Variants in CHCHD3 observed in about 807,000 individuals in gnomAD.
CHCHD3 encodes MICOS complex subunit MIC19.
CHCHD3 carries 20 observed loss-of-function variants against 38.2 expected under a neutral mutation model. The observed-to-expected ratio is 0.52, with a 90% CI of 0.37 to 0.76. CHCHD3 has a LOEUF of 0.76. Among genes scored for constraint, CHCHD3 ranks in the 30% least tolerant of loss-of-function variants. CHCHD3 has a pLI of 0.00. For synonymous variants in CHCHD3, 82 were observed against 100.0 expected, an observed-to-expected ratio of 0.82 and a Z score of 1.07; for missense variants, 245 against 279.2, an observed-to-expected ratio of 0.88 and a Z score of 0.87.
At chr7:133,024,407 G>A in intron 3 of CHCHD3, 139 bp downstream of exon 3, 1 of 712,078 alleles carries the variant, frequency 1.4e-6, no homozygotes, top group East Asian at 2.5e-5. Flanking sequence ...AACCGAAAAT[G>A]GCCAAGTTCA....
At chr7:132,800,862 A>ATT in intron 6 of CHCHD3, among the ~76,000 whole-genome samples, 1 of 149,934 alleles carries the variant, frequency 6.7e-6, no homozygotes, top group East Asian at 2.0e-4. Context: ...GGAGAATTCT[A>ATT]TTTTTTTTTT....
intron 3 of CHCHD3, among the ~76,000 whole-genome samples, chr7:132,984,069 G>A (rs1003330571): frequency 2.8e-5 from 4 of 142,000 alleles, no homozygotes; most frequent in Non-Finnish European, 3.0e-5. Flanking sequence ...CTCTCCCCAC[G>A]GTCTCCCTCT....
chr7:132,922,000 G>A (rs1810274517), intron 4 of CHCHD3, among the ~76,000 whole-genome samples: 1 of 152,206 alleles, frequency 6.6e-6, no homozygotes, highest in African/African-American at 2.4e-5. Context: ...CATAAGAAGT[G>A]CAGAGAAGAG....
At chr7:133,055,983 A>G (rs1584676443) in intron 2 of CHCHD3, among the ~76,000 whole-genome samples, 1 of 152,094 alleles carries the variant, frequency 6.6e-6, no homozygotes, top group East Asian at 1.9e-4. Flanking sequence ...CGTCTCTACA[A>G]AAAAGAAAAA....
intron 4 of CHCHD3, among the ~76,000 whole-genome samples, chr7:132,898,930 G>A (rs1002715496): frequency 6.6e-6 from 1 of 152,288 alleles, no homozygotes; most frequent in Admixed American, 6.5e-5. Context: ...ACACCCACCC[G>A]GAACTCCAGC....
chr7:132,875,970 T>C (rs1314104134), intron 5 of CHCHD3, among the ~76,000 whole-genome samples: 1 of 152,244 alleles, frequency 6.6e-6, no homozygotes, highest in Non-Finnish European at 1.5e-5. Context: ...TCTTTTTAAC[T>C]GAAGCTAATG....
chr7:132,786,462 G>A (rs1018816956), intron 7 of CHCHD3, among the ~76,000 whole-genome samples: 7 of 152,186 alleles, frequency 4.6e-5, no homozygotes, highest in African/African-American at 1.7e-4. Context: ...ATTTATTTGG[G>A]AGATGAGGAT....
chr7:132,874,499 C>A (rs751651749), intron 5 of CHCHD3, among the ~76,000 whole-genome samples: 2 of 152,114 alleles, frequency 1.3e-5, no homozygotes, highest in Non-Finnish European at 2.9e-5. Context: ...GCAACACTTG[C>A]GGGAAGATTT....
intron 5 of CHCHD3, among the ~76,000 whole-genome samples, chr7:132,853,079 C>T (rs1376160821): frequency 6.6e-6 from 1 of 152,164 alleles, no homozygotes; most frequent in African/African-American, 2.4e-5. Context: ...TCCAGCACCA[C>T]AGAAAATACG....
rs1806389557 is a variant in CHCHD3 at position 132,788,950 on chromosome 7, G to T, written c.661-3290C>A. ...GGGAAATTAACAAACACAATGGCAGGCTGGATTTTTAAAAAAGATGAATTC... is the reference window on the plus strand; with the variant it reads ...GGGAAATTAACAAACACAATGGCAGTCTGGATTTTTAAAAAAGATGAATTC... On this transcript the variant is annotated intron_variant, in intron 7 of 7. Transcript: ENST00000262570. The surrounding 1 kb of genome is among the most constrained non-coding windows in gnomAD (Gnocchi z 4.0). 6.6e-6 allele frequency among the ~76,000 whole-genome samples: 1 copy of T among 152,144 alleles called. No individual in the cohort carries two copies. The highest frequency in any genetic ancestry group is 6.5e-5 in the Admixed American group (1 of 15,268).
chr7:132,920,043 C>T (rs966260993), intron 4 of CHCHD3, among the ~76,000 whole-genome samples: 1 of 152,180 alleles, frequency 6.6e-6, no homozygotes, highest in Non-Finnish European at 1.5e-5. Flanking sequence ...ACACTGGGAA[C>T]GCACATCGTC....
At chr7:132,883,499 G>A (rs1277915251) in intron 5 of CHCHD3, among the ~76,000 whole-genome samples, 2 of 152,094 alleles carry the variant, frequency 1.3e-5, no homozygotes, top group East Asian at 3.9e-4. Flanking sequence ...CTACAACGAG[G>A]GAGCCAAATC....
At chr7:132,932,560 G>A (rs1364463579) in intron 4 of CHCHD3, among the ~76,000 whole-genome samples, 3 of 152,164 alleles carry the variant, frequency 2.0e-5, no homozygotes, top group South Asian at 2.1e-4. Flanking sequence ...TGAGGCTGCC[G>A]TCTCCCACTG....
At chr7:132,915,074 G>A (rs745683610) in intron 4 of CHCHD3, among the ~76,000 whole-genome samples, 1 of 151,716 alleles carries the variant, frequency 6.6e-6, no homozygotes, top group Admixed American at 6.6e-5. Context: ...AGGCAGGAGA[G>A]GTTGCAGTCA....
intron 5 of CHCHD3, among the ~76,000 whole-genome samples, chr7:132,861,256 G>A (rs1489751663): frequency 1.3e-5 from 2 of 152,170 alleles, no homozygotes; most frequent in Non-Finnish European, 2.9e-5. Flanking sequence ...ACTGGTGGCT[G>A]GAGCACTCAG....
intron 5 of CHCHD3, among the ~76,000 whole-genome samples, chr7:132,883,358 CTT>C (rs904399869): frequency 3.3e-5 from 5 of 152,102 alleles, no homozygotes; most frequent in African/African-American, 1.2e-4. Context: ...TAAATCATCA[CTT>C]AATATATGAA....
intron 2 of CHCHD3, among the ~76,000 whole-genome samples, chr7:133,040,666 G>T (rs536362793): frequency 2.0e-5 from 3 of 152,200 alleles, no homozygotes; most frequent in African/African-American, 7.2e-5. Flanking sequence ...TCTTGCTGTG[G>T]TTACTTCCTC....
intron 3 of CHCHD3, among the ~76,000 whole-genome samples, chr7:132,975,739 T>G (rs1811747258): frequency 6.6e-6 from 1 of 152,074 alleles, no homozygotes; most frequent in Non-Finnish European, 1.5e-5. Flanking sequence ...AAGACCAGCC[T>G]GGCCAACATG....
intron 4 of CHCHD3, among the ~76,000 whole-genome samples, chr7:132,953,924 G>A (rs1388123945): frequency 6.6e-6 from 1 of 152,154 alleles, no homozygotes; most frequent in African/African-American, 2.4e-5. Flanking sequence ...TAAATTATCG[G>A]GTTGCCCTAG....
Sources: allele counts gnomAD v4.1 joint callset (sites outside exome capture counted in the v4.1 genomes callset), GRCh38; gene constraint gnomAD v4.1.1; non-coding constraint Gnocchi (gnomAD v3.1); transcripts MANE v1.5; gene names NCBI Gene and HGNC (gene_info 2026-07-23, HGNC 2026-07-21).